The following HDLBP variants were observed in gnomAD, a reference collection of about 807,000 sequenced individuals.
HDLBP encodes the protein vigilin.
In HDLBP, 30 loss-of-function variants were observed where a neutral mutation model predicts 137.3. That is an observed-to-expected ratio of 0.22 (90% CI 0.16 to 0.30). The LOEUF is 0.30. Ranked by LOEUF, HDLBP falls within the 10% of genes least tolerant of loss-of-function variation. The probability of loss-of-function intolerance (pLI) is 1.00; values close to 1 mark genes in which losing one functional copy is unlikely to be tolerated. For synonymous variants in HDLBP, 606 were observed against 596.0 expected (o/e 1.02, Z -0.24); for missense variants, 1,119 against 1,667.3 (o/e 0.67, Z 5.73).
intron 1 of HDLBP, among the ~76,000 whole-genome samples, chr2:241,294,119 T>C (rs1460429914): frequency 6.6e-6 from 1 of 152,178 alleles, no homozygotes; most frequent in African/African-American, 2.4e-5. Context: ...ATGGCAGTAA[T>C]TGTATCTTCT....
At chr2:241,313,861 A>G (rs1388045795) in intron 1 of HDLBP, among the ~76,000 whole-genome samples, 4 of 152,196 alleles carry the variant, frequency 2.6e-5, no homozygotes, top group Admixed American at 6.5e-5. Context: ...TAGGTCAACT[A>G]TATCTTTGAG....
At chr2:241,293,916 T>A in intron 1 of HDLBP, among the ~76,000 whole-genome samples, 2 of 134,804 alleles carry the variant, frequency 1.5e-5, no homozygotes, top group African/African-American at 2.7e-5. Flanking sequence ...TGCGAGACCC[T>A]GCCTCAAAAA....
Position 241,230,722 on chromosome 2 carries a change from AGAG to A in HDLBP, c.3474+34_3474+36del. 1 of 1,594,978 alleles carries A rather than the reference AGAG, an allele frequency of 6.3e-7. No homozygotes were observed. The highest frequency in any genetic ancestry group is 8.6e-7 in the Non-Finnish European group (1 of 1,163,704). ...TGGCCAGCCAGGTGCCCCCGGTGAG[AGAG>A]GATTCTCACCCACTGTGCTTCCAGC... On this transcript the variant is annotated intron_variant, in intron 25 of 27. Coordinates refer to ENST00000310931, the MANE Select transcript of HDLBP (RefSeq NM_005336.6). The surrounding 1 kb of genome is among the most constrained non-coding windows in gnomAD (Gnocchi z 5.0).
chr2:241,235,007 T>C, intron 23 of HDLBP, 114 bp downstream of exon 23: 1 of 1,324,702 alleles, frequency 7.5e-7, no homozygotes, highest in Admixed American at 2.0e-5. Flanking sequence ...GCATCTCACC[T>C]CCAGCCAGAT....
chr2:241,233,834 C>T lies in HDLBP; in HGVS notation c.3274G>A (p.Asp1092Asn), dbSNP rs1419798633. The part of the protein sequence containing the change: ...HDVNIQFPDK[D>N]DGNQPQDQIT... ...GAGGCTCTCACCTGGTTCCCATCGT[C>T]CTTATCAGGAAACTGGATGTTCACG... The change falls in exon 24 of 28, where the codon GAC becomes AAC. Residue 1092 changes from aspartate (D) to asparagine (N), a missense_variant. Around this residue, in one of 4 missense-constraint regions of HDLBP, gnomAD observed 618 missense variants for 816.7 expected, o/e 0.76. Transcript: ENST00000310931. This position sits in a 1 kb window ranked among gnomAD's most constrained non-coding sequence, Gnocchi z 4.3. The T allele has an allele frequency of 6.2e-7, 1 of 1,614,042 alleles. No individual in the cohort carries two copies. Among genetic ancestry groups the T allele is most frequent in the African/African-American group, 1.3e-5 (1 of 74,908 alleles).
At chr2:241,280,513 TA>T (rs1274264175) in intron 1 of HDLBP, among the ~76,000 whole-genome samples, 1 of 152,202 alleles carries the variant, frequency 6.6e-6, no homozygotes, top group African/African-American at 2.4e-5. Flanking sequence ...TTTCAGGAAG[TA>T]ACAGAAAAGG....
chr2:241,258,226 A>G (rs1467208560), intron 5 of HDLBP, among the ~76,000 whole-genome samples: 7 of 151,990 alleles, frequency 4.6e-5, no homozygotes, highest in Non-Finnish European at 1.0e-4. Context: ...AGGCGCCTGT[A>G]ATCCCAGCTA....
intron 1 of HDLBP, among the ~76,000 whole-genome samples, chr2:241,275,010 G>A (rs2074337005): frequency 6.6e-6 from 1 of 152,056 alleles, no homozygotes; most frequent in African/African-American, 2.4e-5. Flanking sequence ...AAGAAGAAAA[G>A]CCCACTAGTG....
chr2:241,292,795 A>C (rs539362244), intron 1 of HDLBP, among the ~76,000 whole-genome samples: 22 of 152,300 alleles, frequency 1.4e-4, no homozygotes, highest in African/African-American at 4.3e-4. Context: ...TATATTTTGA[A>C]GTTTTCCCAA....
chr2:241,230,073 T>C lies in HDLBP; in HGVS notation c.3591+80A>G. On this transcript the variant is annotated intron_variant, in intron 26 of 27. Transcript: ENST00000310931. The surrounding 1 kb of genome is among the most constrained non-coding windows in gnomAD (Gnocchi z 5.0). ...CTCTGGAAACACAAGTGCCACCTTGTCCCCTGAAGCTCCTGGCTGGGCCTC... is the reference window on the plus strand; with the variant it reads ...CTCTGGAAACACAAGTGCCACCTTGCCCCCTGAAGCTCCTGGCTGGGCCTC... 1 of 1,587,542 alleles carries C rather than the reference T, an allele frequency of 6.3e-7. No individual in the cohort carries two copies. The highest frequency in any genetic ancestry group is 1.1e-5 in the South Asian group (1 of 89,676).
At position 241,238,652 on chromosome 2, in the gene HDLBP, C is replaced by T. The variant is rs745517400; in HGVS notation, c.2746G>A (p.Ala916Thr). 4 of 1,563,214 alleles carry T rather than the reference C, an allele frequency of 2.6e-6. No homozygotes were observed. The highest frequency in any genetic ancestry group is 1.2e-5 in the South Asian group (1 of 85,226). The change falls in exon 20 of 28, where the codon GCA (alanine) becomes ACA (threonine). Residue 916 changes from alanine (A) to threonine (T), a missense_variant. Physicochemically the swap from Ala to Thr is moderately conservative, Grantham distance 58 (BLOSUM62 0). This residue lies in a region of HDLBP where 618 missense variants were observed against 816.7 expected (regional missense o/e 0.76). Transcript: ENST00000310931. The surrounding 1 kb of genome is among the most constrained non-coding windows in gnomAD (Gnocchi z 4.9). The stretch of plus-strand genomic sequence containing the variant: ...GCAGGGCTAATGGGGGACCCACCTG[C>T]GTTCTCCTCTCTGTCTGGGAATTTA... ...QIKFPDREEN[A>T]VHSTEPVVQE... is the part of the protein sequence containing the mutation.
At chr2:241,308,418 T>A (rs545065981) in intron 1 of HDLBP, among the ~76,000 whole-genome samples, 229 of 152,256 alleles carry the variant, frequency 1.5e-3, no homozygotes, top group Non-Finnish European at 2.6e-3. Context: ...CAGGCAAAAG[T>A]GATGAGAAAA....
intron 1 of HDLBP, among the ~76,000 whole-genome samples, chr2:241,313,704 G>T (rs377029990): frequency 1.3e-5 from 2 of 152,266 alleles, no homozygotes; most frequent in African/African-American, 4.8e-5. Flanking sequence ...CAGACAACTG[G>T]AAGGCCAAAA....
chr2:241,299,772 GC>G (rs2075326070), intron 1 of HDLBP, among the ~76,000 whole-genome samples: 1 of 151,696 alleles, frequency 6.6e-6, no homozygotes, highest in Non-Finnish European at 1.5e-5. Context: ...AAAATTAGCC[GC>G]ACATGATGGC....
chr2:241,236,160 C>T (rs886339916), intron 21 of HDLBP: 19 of 202,000 alleles, frequency 9.4e-5, no homozygotes, highest in Admixed American at 3.2e-4. Context: ...TCCACGGCAA[C>T]GTGAGAACTA....
intron 1 of HDLBP, among the ~76,000 whole-genome samples, chr2:241,312,995 G>C (rs1301170729): frequency 6.6e-6 from 1 of 152,122 alleles, no homozygotes; most frequent in African/African-American, 2.4e-5. Flanking sequence ...TAAACCTGTT[G>C]CTCACGTATG....
intron 21 of HDLBP, chr2:241,236,365 A>C: frequency 1.9e-6 from 1 of 529,620 alleles, no homozygotes; most frequent in Non-Finnish European, 3.4e-6. Flanking sequence ...TGGGCCTGAG[A>C]GGCCGGATCC....
intron 5 of HDLBP, among the ~76,000 whole-genome samples, chr2:241,257,268 C>G (rs1210689587): frequency 6.6e-6 from 1 of 152,148 alleles, no homozygotes; most frequent in East Asian, 1.9e-4. Context: ...GAGTCTCGCT[C>G]TGACGTCAGG....
intron 1 of HDLBP, among the ~76,000 whole-genome samples, chr2:241,292,785 T>A (rs1423989199): frequency 4.6e-5 from 7 of 152,206 alleles, no homozygotes; most frequent in African/African-American, 1.7e-4. Context: ...TATTTTGTGG[T>A]ATATTTTGAA....
Sources: gnomAD v4.1 joint callset for allele counts (sites outside exome capture counted in the v4.1 genomes callset) on GRCh38, gnomAD v4.1.1 for gene constraint, gnomAD v4.1.1 regional missense constraint, Gnocchi (gnomAD v3.1) non-coding constraint, MANE v1.5 for transcripts, NCBI Gene and HGNC (gene_info 2026-07-23, HGNC 2026-07-21) for gene names.